Variants in ZIC4 observed in about 807,000 individuals in gnomAD.
The protein encoded by ZIC4 is zinc finger protein ZIC 4.
ZIC4 carries 15 observed loss-of-function variants against 28.8 expected under a neutral mutation model. The observed-to-expected ratio is 0.52, with a 90% CI of 0.35 to 0.80. The LOEUF (loss-of-function observed/expected upper bound fraction) is 0.80. ZIC4 is among the 30% of genes least tolerant of loss of function. The pLI is 0.01. For missense variants in ZIC4, 512 were observed against 467.1 expected, an observed-to-expected ratio of 1.10 and a Z score of -0.89; for synonymous variants, 220 against 198.1, an observed-to-expected ratio of 1.11 and a Z score of -0.93.
intron 4 of ZIC4, chr3:147,389,278 G>C (rs2086859197): frequency 5.4e-6 from 1 of 184,476 alleles, no homozygotes; most frequent in Non-Finnish European, 1.1e-5. Flanking sequence ...TTCATCTGAT[G>C]AAAGTTGTGG....
In ZIC4 at chr3:147,402,860, C is replaced by T. The variant is rs765331399; in HGVS notation, c.-15-48G>A. 48 of 1,504,578 alleles carry T rather than the reference C, an allele frequency of 3.2e-5. No homozygotes were observed. In the Middle Eastern group the frequency reaches 8.5e-4, roughly 27 times the overall value. The allele number at this position is 1,504,578 out of a possible 1,614,324, so 93.2% of individuals were successfully genotyped here. Reference sequence around the variant, plus strand: ...CAGTCACTAGTTAAACAATTTTACACGTCTGTGTGGCAACATCCTGTGGTT... The same window carrying T: ...CAGTCACTAGTTAAACAATTTTACATGTCTGTGTGGCAACATCCTGTGGTT... On this transcript the variant is annotated intron_variant, in intron 1 of 4. Coordinates refer to ENST00000383075, the MANE Select transcript of ZIC4 (RefSeq NM_032153.6).
intron 4 of ZIC4, among the ~76,000 whole-genome samples, chr3:147,389,838 T>C (rs543271995): frequency 1.3e-5 from 2 of 152,256 alleles, no homozygotes; most frequent in South Asian, 2.1e-4. Flanking sequence ...CATCACCGAA[T>C]TGACGCAATT....
rs1035319887 is a variant in ZIC4, at chr3:147,396,644, C to T, written c.71-175G>A. On this transcript the variant is annotated intron_variant, in intron 2 of 4. Coordinates refer to ENST00000383075, the MANE Select transcript of ZIC4 (RefSeq NM_032153.6). The surrounding 1 kb of genome is among the most constrained non-coding windows in gnomAD (Gnocchi z 4.2). ...CGGTGGACAGAGCAAGGCCAAACACCTCCGCCGCCATTGGGCCGAATTGCT... is the reference window on the plus strand; with the variant it reads ...CGGTGGACAGAGCAAGGCCAAACACTTCCGCCGCCATTGGGCCGAATTGCT... 5 of 755,342 alleles carry T rather than the reference C, an allele frequency of 6.6e-6. No homozygotes were observed. Among genetic ancestry groups the T allele is most frequent in the Non-Finnish European group, 5.7e-6 (3 of 521,788 alleles). The allele number at this position is 755,342 out of a possible 1,614,324, so 46.8% of individuals were successfully genotyped here.
chr3:147,396,930 T>C lies in ZIC4; in HGVS notation c.71-461A>G, dbSNP rs2087061114. The C allele has an allele frequency of 6.5e-6, 1 of 153,876 alleles. No individual in the cohort carries two copies. Among genetic ancestry groups the C allele is most frequent in the South Asian group, 2.1e-4 (1 of 4,828 alleles). The allele number at this position is 153,876 out of a possible 1,614,324, so 9.5% of individuals were successfully genotyped here. A position where few individuals can be genotyped will look rare whatever the true frequency, so the allele number is the denominator to read the frequency against. On this transcript the variant is annotated intron_variant, in intron 2 of 4. Coordinates refer to ENST00000383075, the MANE Select transcript of ZIC4 (RefSeq NM_032153.6). The surrounding 1 kb of genome is among the most constrained non-coding windows in gnomAD (Gnocchi z 4.2). ...GGTTCTGAAGCGCCCCAGCCATATA[T>C]ATTTTCAGTGCCCCGCTTGGCTAGG...
At position 147,396,835 on chromosome 3, in the gene ZIC4, G is replaced by C. The variant is rs555800053; in HGVS notation, c.71-366C>G. 1 of 197,866 alleles carries C rather than the reference G, an allele frequency of 5.1e-6. No homozygotes were observed. The highest frequency in any genetic ancestry group is 5.6e-5 in the Admixed American group (1 of 17,968). The allele number at this position is 197,866 out of a possible 1,614,324, so 12.3% of individuals were successfully genotyped here. A position where few individuals can be genotyped will look rare whatever the true frequency, so the allele number is the denominator to read the frequency against. On this transcript the variant is annotated intron_variant, in intron 2 of 4. Transcript: ENST00000383075. The surrounding 1 kb of genome is among the most constrained non-coding windows in gnomAD (Gnocchi z 4.2). ...AGCGCACTTTGGCGGCTAACACCCCGGGGCTCTCCGGGGCACGATGCCCTG... is the reference window on the plus strand; with the variant it reads ...AGCGCACTTTGGCGGCTAACACCCCCGGGCTCTCCGGGGCACGATGCCCTG...
rs1043212289 is a variant in ZIC4, at chr3:147,388,051, G to A, written c.*808C>T. The A allele has an allele frequency of 1.3e-3, 193 of 152,612 alleles. 2 individuals carry two copies. Among genetic ancestry groups the A allele is most frequent in the Non-Finnish European group, 7.3e-5 (5 of 68,062 alleles). The allele number at this position is 152,612 out of a possible 1,614,324, so 9.5% of individuals were successfully genotyped here. On this transcript the variant is annotated 3_prime_UTR_variant, in exon 5 of 5. Coordinates refer to ENST00000383075, the MANE Select transcript of ZIC4 (RefSeq NM_032153.6). ...TTGTGCTCCTCCCTTTCCTGAAAGT[G>A]TCCCCTGCGCCAAAGCCTCCCACAT...
At chr3:147,394,294 C>T (rs1212427311) in intron 3 of ZIC4, among the ~76,000 whole-genome samples, 1 of 148,822 alleles carries the variant, frequency 6.7e-6, no homozygotes, top group African/African-American at 2.5e-5. Context: ...GAATCAGGAC[C>T]GCGAACCGAA....
At chr3:147,391,784 C>G (rs770858035) in intron 3 of ZIC4, 11 of 225,588 alleles carry the variant, frequency 4.9e-5, no homozygotes, top group Non-Finnish European at 7.3e-5. Flanking sequence ...AACGCCAAAG[C>G]GATGAAATAA....
intron 3 of ZIC4, chr3:147,393,498 G>C (rs745633758): frequency 2.3e-5 from 4 of 170,682 alleles, no homozygotes; most frequent in Non-Finnish European, 3.8e-5. Flanking sequence ...CAGCCCGCTC[G>C]GAGCGTCCTA....
At chr3:147,393,849 C>T in intron 3 of ZIC4, 1 of 456,212 alleles carries the variant, frequency 2.2e-6, no homozygotes, top group Non-Finnish European at 4.4e-6. Flanking sequence ...CGCCTCCCTC[C>T]CCGAGGCACC....
intron 3 of ZIC4, among the ~76,000 whole-genome samples, chr3:147,395,112 G>A (rs1329077981): frequency 1.3e-5 from 2 of 152,188 alleles, no homozygotes; most frequent in African/African-American, 4.8e-5. Context: ...GGCTGTTCTG[G>A]AAGTGTGAAA....
intron 1 of ZIC4, chr3:147,404,019 C>T: frequency 6.5e-7 from 1 of 1,537,076 alleles, no homozygotes; most frequent in Non-Finnish European, 8.7e-7. Context: ...GGCATTCTTC[C>T]CCAAAGGTAA....
intron 4 of ZIC4, 173 bp from the exon 5 acceptor site, chr3:147,389,032 A>C (rs376574082): frequency 2.1e-5 from 13 of 621,118 alleles, no homozygotes; most frequent in African/African-American, 1.8e-4. Context: ...AGAAGCAGCA[A>C]GTTCCGCAAA....
At chr3:147,405,710 A>G (rs1219679765) in intron 1 of ZIC4, 3 of 570,592 alleles carry the variant, frequency 5.3e-6, no homozygotes, top group Non-Finnish European at 9.4e-6. Context: ...AGATCCCAGC[A>G]GTCAGCTTCC....
chr3:147,406,465 C>T lies in ZIC4; in HGVS notation c.-118G>A, dbSNP rs542934355. ...CCAAGCCTCTCTTTTGTGGTTCCAG[C>T]GAGGCGGTCATCCTTCACTTCTCCT... On this transcript the variant is annotated 5_prime_UTR_variant, in exon 1 of 5. Coordinates refer to ENST00000383075, the MANE Select transcript of ZIC4 (RefSeq NM_032153.6). 1.3e-5 allele frequency: 2 copies of T among 152,686 alleles called. No individual in the cohort carries two copies. The highest frequency in any genetic ancestry group is 3.9e-4 in the East Asian group (2 of 5,160). 9.5% of individuals were successfully genotyped at this position (152,686 alleles called of 1,614,324 possible).
rs2086828162 is a variant in ZIC4 at position 147,388,077 on chromosome 3, C to G, written c.*782G>C. The G allele has an allele frequency of 6.6e-6, 1 of 152,642 alleles. No homozygotes were observed. Among genetic ancestry groups the G allele is most frequent in the Non-Finnish European group, 1.5e-5 (1 of 68,074 alleles). 9.5% of individuals were successfully genotyped at this position (152,642 alleles called of 1,614,324 possible). ...TCCCCTGCGCCAAAGCCTCCCACAT[C>G]AGGGTGCAGAGTGAACCCCTAAACG... is the stretch of plus-strand genomic sequence containing the variant. On this transcript the variant is annotated 3_prime_UTR_variant, in exon 5 of 5. Transcript: ENST00000383075.
In ZIC4 at chr3:147,388,686, T is replaced by A. The variant is rs1255720952; in HGVS notation, c.*173A>T. ...GCCTGGACGGGCTCCAGGCTTGGCC[T>A]TTCAGGATTTCAGTGCGACTTGCAC... On this transcript the variant is annotated 3_prime_UTR_variant, in exon 5 of 5. Coordinates refer to ENST00000383075, the MANE Select transcript of ZIC4 (RefSeq NM_032153.6). The A allele has an allele frequency of 1.6e-6, 1 of 615,104 alleles. No homozygotes were observed. The highest frequency in any genetic ancestry group is 2.9e-6 in the Non-Finnish European group (1 of 340,428). 38.1% of individuals were successfully genotyped at this position (615,104 alleles called of 1,614,324 possible).
chr3:147,391,046 C>T lies in ZIC4; in HGVS notation c.889G>A (p.Gly297Ser). The change falls in exon 4 of 5, where the codon GGC (glycine) becomes AGC (serine). Residue 297 changes from glycine to serine, a missense_variant. Coordinates refer to ENST00000383075, the MANE Select transcript of ZIC4 (RefSeq NM_032153.6). The stretch of plus-strand genomic sequence containing the variant: ...GCAGACGGTGTAGCCGAATCGTAGC[C>T]AGAGCTGGGCGGCGGCGAGCGCCCG... The part of the protein sequence containing the change: ...VHGRSPPPSS[G>S]YDSATPSALV... 6.2e-7 allele frequency: 1 copy of T among 1,613,954 alleles called. No individual in the cohort carries two copies.
chr3:147,396,226 A>G lies in ZIC4; in HGVS notation c.314T>C (p.Val105Ala). ...LHGYGGMNLT[V>A]NLAAPHGPGA... ...AGGACCGTGGGGCGCAGCGAGGTTCACCGTCAGGTTCATGCCCCCGTAGCC... is the reference window on the plus strand; with the variant it reads ...AGGACCGTGGGGCGCAGCGAGGTTCGCCGTCAGGTTCATGCCCCCGTAGCC... The change falls in exon 3 of 5, where the codon GTG becomes GCG. Residue 105 changes from valine to alanine, a missense_variant. By Grantham distance (64) the Val-to-Ala change is moderately conservative (BLOSUM62 0). Around this residue, in one of 3 missense-constraint regions of ZIC4, gnomAD observed 310 missense variants for 256.5 expected, o/e 1.21. Coordinates refer to ENST00000383075, the MANE Select transcript of ZIC4 (RefSeq NM_032153.6). The surrounding 1 kb of genome is among the most constrained non-coding windows in gnomAD (Gnocchi z 4.2). 2 of 1,613,842 alleles carry G rather than the reference A, an allele frequency of 1.2e-6. No individual in the cohort carries two copies. The highest frequency in any genetic ancestry group is 1.7e-6 in the Non-Finnish European group (2 of 1,179,906).
Sources: allele counts gnomAD v4.1 joint callset (sites outside exome capture counted in the v4.1 genomes callset), GRCh38; gene constraint gnomAD v4.1.1; regional missense constraint gnomAD v4.1.1; non-coding constraint Gnocchi (gnomAD v3.1); transcripts MANE v1.5; gene names NCBI Gene and HGNC (gene_info 2026-07-23, HGNC 2026-07-21).